The following CEP295 variants were observed in gnomAD, a reference collection of about 807,000 sequenced individuals.
CEP295 encodes the protein centrosomal protein 295.
In CEP295, 190 loss-of-function variants were observed where a neutral mutation model predicts 291.6. The ratio of observed to expected loss-of-function variants is 0.65; its 90% CI spans 0.58 to 0.73. The LOEUF is 0.73. Ranked by LOEUF, CEP295 falls within the 30% of genes least tolerant of loss-of-function variation. The pLI, the probability that CEP295 is intolerant of heterozygous loss-of-function variation, is 0.00. For synonymous variants in CEP295, 993 were observed against 1,038.8 expected (o/e 0.96, Z 0.85); for missense variants, 2,863 against 2,949.4 (o/e 0.97, Z 0.68).
chr11:93,723,135 A>G lies in CEP295; in HGVS notation c.6042A>G (p.Thr2014=). Residue 2014 remains threonine, a synonymous_variant, in exon 21 of 30, where the codon ACA becomes ACG. Transcript: ENST00000325212. ...TNIISSIVPS[T]QDIYQRQNSS... is the part of the protein sequence containing the mutation. Reference sequence around the variant, plus strand: ...TTATAAGTTCCATAGTTCCTTCAACACAAGATATTTATCAGCGGCAGAACT... The same window carrying G: ...TTATAAGTTCCATAGTTCCTTCAACGCAAGATATTTATCAGCGGCAGAACT... The G allele has an allele frequency of 6.4e-7, 1 of 1,552,076 alleles. No individual in the cohort carries two copies. The highest frequency in any genetic ancestry group is 8.7e-7 in the Non-Finnish European group (1 of 1,147,042).
intron 25 of CEP295, 32 bp downstream of exon 25, chr11:93,728,853 A>C (rs375310473): frequency 6.6e-7 from 1 of 1,512,680 alleles, no homozygotes; most frequent in East Asian, 2.5e-5. Context: ...ATTTTATTCT[A>C]TTACAAGCAA....
In CEP295 at chr11:93,669,688, C is replaced by T; in HGVS notation, c.446C>T (p.Ala149Val). The change falls in exon 5 of 30, where the codon GCT becomes GTT. Residue 149 changes from alanine (A) to valine (V), a missense_variant. Ala to Val is a moderately conservative substitution (Grantham distance 64, BLOSUM62 0). Coordinates refer to ENST00000325212, the MANE Select transcript of CEP295 (RefSeq NM_033395.2). ...LLKQKTWHIK[A>V]RKEALLVEKE... ...TCTTGTTTCTTAAGGCATATAAAAG[C>T]TCGAAAGGAAGCACTGCTTGTGGAA... is the stretch of plus-strand genomic sequence containing the variant. 1.9e-6 allele frequency: 3 copies of T among 1,549,204 alleles called. No individual in the cohort carries two copies. The highest frequency in any genetic ancestry group is 2.6e-6 in the Non-Finnish European group (3 of 1,145,106).
At chr11:93,719,840 T>C (rs1034244678) in intron 18 of CEP295, 5 of 152,102 alleles carry the variant, frequency 3.3e-5, no homozygotes, top group Non-Finnish European at 5.9e-5. Flanking sequence ...AGTGAAGCAG[T>C]TTTAATTGTA....
chr11:93,686,424 A>G lies in CEP295; in HGVS notation c.1115-1220A>G, dbSNP rs1951243530. Among the ~76,000 whole-genome samples the G allele has an allele frequency of 2.0e-5, 3 of 152,282 alleles. No homozygotes were observed. In the South Asian group the frequency reaches 6.2e-4, roughly 32 times the overall value. On this transcript the variant is annotated intron_variant, in intron 9 of 29. Coordinates refer to ENST00000325212, the MANE Select transcript of CEP295 (RefSeq NM_033395.2). ...ACAATGGAAGTCTTGCCCAATCTAA[A>G]GGGACAGTTACACTTTAGCTCCTGC...
At chr11:93,677,632 AT>A (rs919177658) in intron 6 of CEP295, among the ~76,000 whole-genome samples, 1 of 152,044 alleles carries the variant, frequency 6.6e-6, no homozygotes, top group Non-Finnish European at 1.5e-5. Context: ...GTTACGTAGC[AT>A]TTTTTTCAAA....
Position 93,692,031 on chromosome 11 carries a change from G to A in CEP295, c.1533+1G>A. The A allele has an allele frequency of 7.0e-7, 1 of 1,432,112 alleles. No homozygotes were observed. The highest frequency in any genetic ancestry group is 9.6e-7 in the Non-Finnish European group (1 of 1,046,024). 88.7% of individuals were successfully genotyped at this position (1,432,112 alleles called of 1,614,324 possible). On this transcript the variant is annotated splice_donor_variant, in intron 12 of 29. Transcript: ENST00000325212. LOFTEE classifies it high-confidence loss of function. ...TAGAATGTCAGCAAGGCAGAAACAGGTAATTTGAAATTTTATTTTTAAAGG... is the reference window on the plus strand; with the variant it reads ...TAGAATGTCAGCAAGGCAGAAACAGATAATTTGAAATTTTATTTTTAAAGG...
intron 17 of CEP295, among the ~76,000 whole-genome samples, chr11:93,704,569 T>C (rs1367212934): frequency 6.6e-6 from 1 of 151,950 alleles, no homozygotes; most frequent in African/African-American, 2.4e-5. Flanking sequence ...TCAAGACCCC[T>C]AGGTAGGTGA....
At chr11:93,709,339 G>A (rs780804052) in intron 18 of CEP295, among the ~76,000 whole-genome samples, 1 of 152,140 alleles carries the variant, frequency 6.6e-6, no homozygotes, top group Non-Finnish European at 1.5e-5. Context: ...GAGGGATAGG[G>A]TCTAGTTTTA....
rs569956107 is a variant in CEP295, at chr11:93,718,057, A to G, written c.5750-3255A>G. On this transcript the variant is annotated intron_variant, in intron 18 of 29. Transcript: ENST00000325212. ...CTCCCGAGTAGCTAGGACTACAGGC[A>G]TGCACCACCCCACCCGGTTAATTTT... is the stretch of plus-strand genomic sequence containing the variant. Among the ~76,000 whole-genome samples, 866 of 152,224 alleles carry G rather than the reference A, an allele frequency of 5.7e-3. 9 individuals carry two copies. The highest frequency in any genetic ancestry group is 0.01 in the Middle Eastern group (3 of 292).
At chr11:93,727,736 C>A in intron 24 of CEP295, 99 bp downstream of exon 24, 1 of 963,472 alleles carries the variant, frequency 1.0e-6, no homozygotes, top group Non-Finnish European at 1.5e-6. Flanking sequence ...CTATGCTACC[C>A]AGGCTGAACT....
chr11:93,662,087 G>T (rs1950017203), intron 1 of CEP295, among the ~76,000 whole-genome samples: 2 of 152,186 alleles, frequency 1.3e-5, no homozygotes, highest in African/African-American at 4.8e-5. Flanking sequence ...GGGGAGGGGC[G>T]CTTCCCCCAG....
intron 18 of CEP295, among the ~76,000 whole-genome samples, chr11:93,713,401 C>T (rs1953040623): frequency 6.6e-6 from 1 of 152,092 alleles, no homozygotes; most frequent in African/African-American, 2.4e-5. Context: ...GATTAAATCC[C>T]TCAGCTTTTG....
At chr11:93,682,982 A>G (rs192162972) in intron 7 of CEP295, among the ~76,000 whole-genome samples, 7 of 152,310 alleles carry the variant, frequency 4.6e-5, no homozygotes, top group Admixed American at 4.6e-4. Flanking sequence ...ATTCCATTAG[A>G]TAACCTCATT....
chr11:93,729,933 A>G lies in CEP295; in HGVS notation c.7631A>G (p.Lys2544Arg), dbSNP rs1938176711. The G allele has an allele frequency of 1.9e-6, 3 of 1,549,494 alleles. No homozygotes were observed. Among genetic ancestry groups the G allele is most frequent in the South Asian group, 1.2e-5 (1 of 83,576 alleles). ...KVRASFPEDR[K>R]TTQALRHQRG... Reference sequence around the variant, plus strand: ...AGAGCATCTTTTCCTGAAGACAGAAAGACTACACAGGCTCTAAGGCACCAA... The same window carrying G: ...AGAGCATCTTTTCCTGAAGACAGAAGGACTACACAGGCTCTAAGGCACCAA... Residue 2544 changes from lysine to arginine, a missense_variant, in exon 28 of 30, where the codon AAG (lysine) becomes AGG (arginine). This residue lies in a region of CEP295 where 2,295 missense variants were observed against 2,335.7 expected (regional missense o/e 0.98). Transcript: ENST00000325212.
intron 12 of CEP295, among the ~76,000 whole-genome samples, chr11:93,695,150 G>A (rs749049378): frequency 1.3e-5 from 2 of 152,244 alleles, no homozygotes; most frequent in Admixed American, 6.5e-5. Flanking sequence ...TATTAAATGT[G>A]TGAACATAGA....
intron 6 of CEP295, 30 bp downstream of exon 6, chr11:93,675,696 C>A (rs908572605): frequency 2.7e-6 from 3 of 1,094,814 alleles, no homozygotes; most frequent in African/African-American, 3.2e-5. Flanking sequence ...TTCATGCCCT[C>A]GCTTTATTAT....
In CEP295 at chr11:93,729,979, ATTTT is replaced by A. The variant is rs200136546; in HGVS notation, c.7667+23_7667+26del. ...ACCAAAGGGGTCTAAGGTAGGGTTA[ATTTT>A]TTTTTTTTTTTTAGTGATTCACTTT... On this transcript the variant is annotated intron_variant, in intron 28 of 29. Coordinates refer to ENST00000325212, the MANE Select transcript of CEP295 (RefSeq NM_033395.2). 9.4e-6 allele frequency: 13 copies of A among 1,390,132 alleles called. No individual in the cohort carries two copies. Among genetic ancestry groups the A allele is most frequent in the African/African-American group, 1.6e-5 (1 of 63,346 alleles). 86.1% of individuals were successfully genotyped at this position (1,390,132 alleles called of 1,614,324 possible).
intron 5 of CEP295, among the ~76,000 whole-genome samples, chr11:93,673,262 C>A (rs1449032418): frequency 2.6e-5 from 4 of 152,094 alleles, no homozygotes; most frequent in Non-Finnish European, 5.9e-5. Flanking sequence ...CCAGCCTGGG[C>A]AACATAGCAA....
In CEP295 at chr11:93,700,124, G is replaced by T; in HGVS notation, c.5212G>T (p.Ala1738Ser). 6.4e-7 allele frequency: 1 copy of T among 1,551,536 alleles called. No individual in the cohort carries two copies. Among genetic ancestry groups the T allele is most frequent in the Non-Finnish European group, 8.7e-7 (1 of 1,146,882 alleles). The change falls in exon 15 of 30, where the codon GCA (alanine) becomes TCA (serine). Residue 1738 changes from alanine to serine, a missense_variant. Around this residue, in one of 3 missense-constraint regions of CEP295, gnomAD observed 2,295 missense variants for 2,335.7 expected, o/e 0.98. Transcript: ENST00000325212. Reference sequence around the variant, plus strand: ...AAAATTGCTTGTACAGAGACAAACAGCATTGCAGCAGCAGATACAGAAACA... The same window carrying T: ...AAAATTGCTTGTACAGAGACAAACATCATTGCAGCAGCAGATACAGAAACA... ...QEKLLVQRQT[A>S]LQQQIQKHEE...
Sources: gnomAD v4.1 joint callset for allele counts (sites outside exome capture counted in the v4.1 genomes callset) on GRCh38, gnomAD v4.1.1 for gene constraint, gnomAD v4.1.1 regional missense constraint, MANE v1.5 for transcripts, NCBI Gene and HGNC (gene_info 2026-07-23, HGNC 2026-07-21) for gene names.